ELAVL4: variants seen among roughly 807,000 people sequenced by gnomAD.
ELAVL4 encodes the protein ELAV-like protein 4.
In ELAVL4, 1 loss-of-function variant was observed where a neutral mutation model predicts 35.6. That is an observed-to-expected ratio of 0.03 (90% CI 0.01 to 0.13). ELAVL4 has a LOEUF of 0.13. ELAVL4 is among the 10% of genes least tolerant of loss of function. The pLI, the probability that ELAVL4 is intolerant of heterozygous loss-of-function variation, is 1.00. For synonymous variants in ELAVL4, 156 were observed against 171.0 expected (o/e 0.91, Z 0.69); for missense variants, 267 against 464.9 (o/e 0.57, Z 3.91).
chr1:50,173,533 G>A (rs1239445463), intron 2 of ELAVL4, among the ~76,000 whole-genome samples: 4 of 152,212 alleles, frequency 2.6e-5, no homozygotes, highest in Non-Finnish European at 5.9e-5. Context: ...TGCTGGACAG[G>A]ATTATTAGGG....
intron 1 of ELAVL4, among the ~76,000 whole-genome samples, chr1:50,093,294 T>C (rs1303913507): frequency 1.3e-5 from 2 of 152,184 alleles, no homozygotes; most frequent in African/African-American, 4.8e-5. Flanking sequence ...CTTTCTTTCT[T>C]TTCTTTTATT....
chr1:50,144,944 T>C lies in ELAVL4; in HGVS notation c.10-13T>C. The C allele has an allele frequency of 6.2e-7, 1 of 1,600,160 alleles. No individual in the cohort carries two copies. Among genetic ancestry groups the C allele is most frequent in the Non-Finnish European group, 8.5e-7 (1 of 1,175,622 alleles). On this transcript the variant is annotated splice_polypyrimidine_tract_variant and intron_variant, in intron 1 of 6. Transcript: ENST00000371824. The stretch of plus-strand genomic sequence containing the variant: ...TTCAAAAGGCTTTTTCAATTGTTTT[T>C]ATTTTTATTTAGATAATTAGCACCA...
intron 3 of ELAVL4, among the ~76,000 whole-genome samples, chr1:50,188,778 A>G (rs1682223467): frequency 1.3e-5 from 2 of 152,168 alleles, no homozygotes; most frequent in Admixed American, 1.3e-4. Flanking sequence ...TCTTTTATTG[A>G]AGCCTCCATT....
At position 50,122,971 on chromosome 1, in the gene ELAVL4, T is replaced by C. The variant is rs553525261; in HGVS notation, c.9+13773T>C. 1.8e-3 allele frequency among the ~76,000 whole-genome samples: 275 copies of C among 152,116 alleles called. 1 individual carries two copies. The highest frequency in any genetic ancestry group is 6.0e-3 in the African/African-American group (250 of 41,516). On this transcript the variant is annotated intron_variant, in intron 1 of 6. Transcript: ENST00000371824. ...TATTTGGTAGTCTGTAAATATGTAGTAGTAAAGGAGACATGGCCCCCCGTC... is the reference window on the plus strand; with the variant it reads ...TATTTGGTAGTCTGTAAATATGTAGCAGTAAAGGAGACATGGCCCCCCGTC...
At chr1:50,200,535 G>A (rs374391415) in intron 6 of ELAVL4, among the ~76,000 whole-genome samples, 1 of 152,072 alleles carries the variant, frequency 6.6e-6, no homozygotes, top group African/African-American at 2.4e-5. Context: ...GTGGAGTCAG[G>A]TTGGGGTGCG....
At chr1:50,170,838 G>A (rs35995862) in intron 2 of ELAVL4, among the ~76,000 whole-genome samples, 10,681 of 152,092 alleles carry the variant, frequency 0.07, 831 homozygotes, top group East Asian at 0.42. Flanking sequence ...TTGGAGACCA[G>A]GCTGAGCAAC....
At chr1:50,190,406 A>C (rs532947433) in intron 3 of ELAVL4, among the ~76,000 whole-genome samples, 1 of 152,376 alleles carries the variant, frequency 6.6e-6, no homozygotes, top group Admixed American at 6.5e-5. Flanking sequence ...TTTAGGTACT[A>C]GGATGAACAT....
chr1:50,073,061 A>G (rs939862384), intron 1 of ELAVL4, among the ~76,000 whole-genome samples: 3 of 152,210 alleles, frequency 2.0e-5, no homozygotes, highest in African/African-American at 4.8e-5. Flanking sequence ...TGATGCCCTA[A>G]TGTACCATGA....
intron 3 of ELAVL4, among the ~76,000 whole-genome samples, chr1:50,186,565 G>A (rs1681857163): frequency 6.6e-6 from 1 of 152,136 alleles, no homozygotes; most frequent in Non-Finnish European, 1.5e-5. Context: ...ATTCAGTATG[G>A]GCTTAGAAAG....
chr1:50,153,687 T>C (rs1001261208), intron 2 of ELAVL4, among the ~76,000 whole-genome samples: 3 of 152,164 alleles, frequency 2.0e-5, no homozygotes, highest in African/African-American at 7.2e-5. Context: ...TCAGAGACAT[T>C]GTTATGGAAT....
intron 2 of ELAVL4, among the ~76,000 whole-genome samples, chr1:50,172,004 A>G (rs912115115): frequency 2.0e-5 from 3 of 152,218 alleles, no homozygotes; most frequent in Non-Finnish European, 4.4e-5. Flanking sequence ...GAAGTTTTCA[A>G]CAGCAGCTAC....
chr1:50,129,731 T>A (rs1670545394), intron 1 of ELAVL4, among the ~76,000 whole-genome samples: 1 of 152,134 alleles, frequency 6.6e-6, no homozygotes. Flanking sequence ...TGTTTTTAAG[T>A]ATACTTTTCT....
intron 1 of ELAVL4, among the ~76,000 whole-genome samples, chr1:50,058,865 A>G (rs1221562220): frequency 6.6e-6 from 1 of 151,980 alleles, no homozygotes; most frequent in Non-Finnish European, 1.5e-5. Context: ...GAGCTTCCCA[A>G]AGTGCTGGGA....
chr1:50,157,603 A>C (rs564499426), intron 2 of ELAVL4, among the ~76,000 whole-genome samples: 14 of 152,324 alleles, frequency 9.2e-5, no homozygotes, highest in South Asian at 8.3e-4. Context: ...TTAATATTAG[A>C]TTTTGGATTC....
chr1:50,106,861 G>A (rs372024520), upstream of ELAVL4, among the ~76,000 whole-genome samples: 227 of 152,262 alleles, frequency 1.5e-3, 1 homozygote, highest in African/African-American at 5.1e-3. Context: ...TACTATTTTG[G>A]AAAAGTGGCC....
chr1:50,172,581 A>G (rs1028852579), intron 2 of ELAVL4, among the ~76,000 whole-genome samples: 3 of 152,160 alleles, frequency 2.0e-5, no homozygotes, highest in Admixed American at 1.3e-4. Context: ...ATTTGTTTAC[A>G]TACTGTCTAT....
At chr1:50,161,593 T>C (rs1676820028) in intron 2 of ELAVL4, among the ~76,000 whole-genome samples, 1 of 152,242 alleles carries the variant, frequency 6.6e-6, no homozygotes, top group Admixed American at 6.5e-5. Context: ...AGTTTTTCGT[T>C]TATTGAGGTG....
chr1:50,048,325 T>C, intron 1 of ELAVL4: 1 of 1,137,812 alleles, frequency 8.8e-7, no homozygotes, highest in East Asian at 3.1e-5. Flanking sequence ...GAGAGGGCCC[T>C]TGCAAGAGGA....
chr1:50,104,819 C>T (rs368255350), upstream of ELAVL4, among the ~76,000 whole-genome samples: 2 of 152,074 alleles, frequency 1.3e-5, no homozygotes, highest in East Asian at 1.9e-4. Flanking sequence ...TTTAACATAC[C>T]CCCAATCACT....
Sources: allele counts gnomAD v4.1 joint callset (sites outside exome capture counted in the v4.1 genomes callset), GRCh38; gene constraint gnomAD v4.1.1; transcripts MANE v1.5; gene names NCBI Gene and HGNC (gene_info 2026-07-23, HGNC 2026-07-21).